The following DLK1 variants were observed in gnomAD, a reference collection of about 807,000 sequenced individuals.
DLK1 encodes the protein delta like non-canonical Notch ligand 1.
A neutral mutation model predicts 35.2 loss-of-function variants in DLK1; 9 were observed. The ratio of observed to expected loss-of-function variants is 0.26; its 90% CI spans 0.15 to 0.45. DLK1 has a LOEUF of 0.45. DLK1 is among the 20% of genes least tolerant of loss of function. DLK1 has a pLI of 1.00. For missense variants in DLK1, 522 were observed against 528.5 expected, an observed-to-expected ratio of 0.99 and a Z score of 0.12; for synonymous variants, 231 against 228.4, an observed-to-expected ratio of 1.01 and a Z score of -0.10.
intron 4 of DLK1, among the ~76,000 whole-genome samples, 188 bp from the exon 5 acceptor site, chr14:100,733,961 C>T (rs1027132591): frequency 8.0e-6 from 1 of 124,530 alleles, no homozygotes; most frequent in Non-Finnish European, 1.5e-5. Flanking sequence ...AGACAGGGGT[C>T]ACGGCCCCGG....
Position 100,734,078 on chromosome 14 carries a change from A to AGCCCCGTGCCCTGC in DLK1, c.405-70_405-57dup. On this transcript the variant is annotated intron_variant, in intron 4 of 4. Transcript: ENST00000341267. The surrounding 1 kb of genome is among the most constrained non-coding windows in gnomAD (Gnocchi z 7.4). ...GTCAGGCCAGGGACCTTCTGCCCTGAGCCCCGTGCCCTGCAGCGCTGTTGT... is the reference window on the plus strand; with the variant it reads ...GTCAGGCCAGGGACCTTCTGCCCTGAGCCCCGTGCCCTGCGCCCCGTGCCCTGCAGCGCTGTTGT... 1 of 1,511,470 alleles carries AGCCCCGTGCCCTGC rather than the reference A, an allele frequency of 6.6e-7. No individual in the cohort carries two copies. The highest frequency in any genetic ancestry group is 1.3e-5 in the South Asian group (1 of 76,208). 93.6% of individuals were successfully genotyped at this position (1,511,470 alleles called of 1,614,324 possible).
chr14:100,730,735 G>A (rs973794877), intron 3 of DLK1, among the ~76,000 whole-genome samples: 7 of 152,196 alleles, frequency 4.6e-5, no homozygotes, highest in African/African-American at 1.7e-4. Flanking sequence ...AGCCTGACGC[G>A]GAGGCGCCAC....
intron 2 of DLK1, 198 bp from the exon 3 acceptor site, chr14:100,728,738 C>T: frequency 1.2e-6 from 1 of 822,396 alleles, no homozygotes; most frequent in Non-Finnish European, 1.9e-6. Flanking sequence ...CGGGGCCCCT[C>T]CAAGTCGGCC....
intron 3 of DLK1, among the ~76,000 whole-genome samples, chr14:100,729,576 G>A (rs2036484517): frequency 6.6e-6 from 1 of 152,160 alleles, no homozygotes; most frequent in Non-Finnish European, 1.5e-5. Context: ...GGACAGGGCT[G>A]GGGGGCCTGG....
Position 100,732,077 on chromosome 14 carries a change from A to C in DLK1, c.298A>C (p.Asn100His), listed in dbSNP as rs527601386. Reference sequence around the variant, plus strand: ...CTGCTCCTCGGCCCCCTGTGCCAACAACAGGACCTGCGTGAGCCTGGACGA... The same window carrying C: ...CTGCTCCTCGGCCCCCTGTGCCAACCACAGGACCTGCGTGAGCCTGGACGA... Reference protein sequence around the residue: ...RACSSAPCANNRTCVSLDDGL... With the variant: ...RACSSAPCANHRTCVSLDDGL... The change falls in exon 4 of 5, where the codon AAC (asparagine) becomes CAC (histidine). Residue 100 changes from asparagine (N) to histidine (H), a missense_variant. By Grantham distance (68) the Asn-to-His change is moderately conservative. Transcript: ENST00000341267. 17 of 1,613,974 alleles carry C rather than the reference A, an allele frequency of 1.1e-5. 1 individual carries two copies. In the African/African-American group the frequency reaches 1.9e-4, roughly 18 times the overall value.
At position 100,735,030 on chromosome 14, in the gene DLK1, T is replaced by C; in HGVS notation, c.*134T>C. 2 of 1,252,568 alleles carry C rather than the reference T, an allele frequency of 1.6e-6. No homozygotes were observed. The highest frequency in any genetic ancestry group is 2.2e-6 in the Non-Finnish European group (2 of 929,640). 77.6% of individuals were successfully genotyped at this position (1,252,568 alleles called of 1,614,324 possible). A position where few individuals can be genotyped will look rare whatever the true frequency, so the allele number is the denominator to read the frequency against. On this transcript the variant is annotated 3_prime_UTR_variant, in exon 5 of 5. Coordinates refer to ENST00000341267, the MANE Select transcript of DLK1 (RefSeq NM_003836.7). ...AACGCTACGCTTACATATATTGTCT[T>C]TGTGCTGCTGTGTGACAAACGCAAT...
chr14:100,735,569 G>A lies in DLK1; in HGVS notation c.*673G>A, dbSNP rs1391743785. 6.6e-6 allele frequency: 1 copy of A among 152,104 alleles called. No individual in the cohort carries two copies. Among genetic ancestry groups the A allele is most frequent in the Non-Finnish European group, 1.5e-5 (1 of 68,046 alleles). The allele number at this position is 152,104 out of a possible 1,614,324, so 9.4% of individuals were successfully genotyped here. On this transcript the variant is annotated 3_prime_UTR_variant, in exon 5 of 5. Transcript: ENST00000341267. ...CACTTTCTCGCCCCTCTCGAGGGAGGGGTTTGAACACCGACCACCATGGTC... is the reference window on the plus strand; with the variant it reads ...CACTTTCTCGCCCCTCTCGAGGGAGAGGTTTGAACACCGACCACCATGGTC...
intron 3 of DLK1, among the ~76,000 whole-genome samples, chr14:100,730,139 C>T (rs1470923173): frequency 6.6e-6 from 1 of 152,186 alleles, no homozygotes; most frequent in Non-Finnish European, 1.5e-5. Flanking sequence ...TGTCTCTGGT[C>T]CTTAATTCCA....
chr14:100,728,622 G>C (rs1266683357), intron 2 of DLK1, 163 bp downstream of exon 2: 70 of 225,958 alleles, frequency 3.1e-4, no homozygotes, highest in African/African-American at 1.8e-3. Flanking sequence ...AGATGGGGGG[G>C]GCGGGGGGGG....
At chr14:100,730,345 C>A (rs1000348890) in intron 3 of DLK1, among the ~76,000 whole-genome samples, 5 of 152,328 alleles carry the variant, frequency 3.3e-5, no homozygotes, top group Admixed American at 2.0e-4. Flanking sequence ...ATGCCGTACA[C>A]CCTTGCTGAA....
intron 3 of DLK1, among the ~76,000 whole-genome samples, chr14:100,729,741 G>A (rs2036486683): frequency 6.6e-6 from 1 of 152,190 alleles, no homozygotes; most frequent in South Asian, 2.1e-4. Flanking sequence ...TGCATTTTCA[G>A]GCTGCGAAAT....
chr14:100,730,895 C>A (rs190599100), intron 3 of DLK1, among the ~76,000 whole-genome samples: 1 of 152,124 alleles, frequency 6.6e-6, no homozygotes, highest in African/African-American at 2.4e-5. Context: ...CTCCCCTCCA[C>A]GAGGGTGTGG....
rs2036560702 is a variant in DLK1 at position 100,735,359 on chromosome 14, T to G, written c.*463T>G. 6.5e-6 allele frequency: 1 copy of G among 153,902 alleles called. No individual in the cohort carries two copies. The highest frequency in any genetic ancestry group is 2.4e-5 in the African/African-American group (1 of 41,476). The allele number at this position is 153,902 out of a possible 1,614,324, so 9.5% of individuals were successfully genotyped here. ...CTCACACACCACATCCGACTCGCAC[T>G]CACATCCAGCTCAACATCGCTACCT... On this transcript the variant is annotated 3_prime_UTR_variant, in exon 5 of 5. Coordinates refer to ENST00000341267, the MANE Select transcript of DLK1 (RefSeq NM_003836.7).
rs2036576338 is a variant in DLK1 at position 100,736,706 on chromosome 14, C to T, written c.*1810C>T. On this transcript the variant is annotated 3_prime_UTR_variant, in exon 5 of 5. Coordinates refer to ENST00000341267, the MANE Select transcript of DLK1 (RefSeq NM_003836.7). ...GCATCATCTGCACTCTGCAGAGCCC[C>T]TCCTACCCGCCTCTGTCCCCACCAG... 1 of 152,456 alleles carries T rather than the reference C, an allele frequency of 6.6e-6. No homozygotes were observed. The highest frequency in any genetic ancestry group is 1.5e-5 in the Non-Finnish European group (1 of 68,410). 9.4% of individuals were successfully genotyped at this position (152,456 alleles called of 1,614,324 possible).
At chr14:100,731,309 G>A (rs1166332551) in intron 3 of DLK1, among the ~76,000 whole-genome samples, 1 of 152,170 alleles carries the variant, frequency 6.6e-6, no homozygotes, top group African/African-American at 2.4e-5. Flanking sequence ...TGAAGTGTGC[G>A]TGATGGAAGG....
Position 100,734,843 on chromosome 14 carries a change from G to A in DLK1, c.1099G>A (p.Glu367Lys). Residue 367 changes from glutamate (E) to lysine (K), a missense_variant, in exon 5 of 5, where the codon GAG (glutamate) becomes AAG (lysine). Coordinates refer to ENST00000341267, the MANE Select transcript of DLK1 (RefSeq NM_003836.7). This position sits in a 1 kb window ranked among gnomAD's most constrained non-coding sequence, Gnocchi z 7.4. ...CCTGGCCGTCAACATCATCTTCCCC[G>A]AGAAGATCGACATGACCACCTTCAG... is the stretch of plus-strand genomic sequence containing the variant. ...EDLAVNIIFP[E>K]KIDMTTFSKE... 3.1e-6 allele frequency: 5 copies of A among 1,610,452 alleles called. No individual in the cohort carries two copies. Among genetic ancestry groups the A allele is most frequent in the Non-Finnish European group, 4.2e-6 (5 of 1,178,610 alleles).
Position 100,734,051 on chromosome 14 carries a change from T to C in DLK1, c.405-98T>C. ...TGATGTGTTTTAAGCACCTGCCCCT[T>C]AGTCAGGCCAGGGACCTTCTGCCCT... On this transcript the variant is annotated intron_variant, in intron 4 of 4. Transcript: ENST00000341267. The surrounding 1 kb of genome is among the most constrained non-coding windows in gnomAD (Gnocchi z 7.4). 1 of 1,441,498 alleles carries C rather than the reference T, an allele frequency of 6.9e-7. No individual in the cohort carries two copies. Among genetic ancestry groups the C allele is most frequent in the Non-Finnish European group, 9.2e-7 (1 of 1,083,956 alleles). 89.3% of individuals were successfully genotyped at this position (1,441,498 alleles called of 1,614,324 possible). A position where few individuals can be genotyped will look rare whatever the true frequency, so the allele number is the denominator to read the frequency against.
chr14:100,732,089 G>A lies in DLK1; in HGVS notation c.310G>A (p.Val104Met), dbSNP rs2273607. The A allele has an allele frequency of 3.7e-3, 5,951 of 1,613,922 alleles. 155 individuals carry two copies. In the East Asian group the frequency reaches 0.072, roughly 20 times the overall value. ...CCCCTGTGCCAACAACAGGACCTGC[G>A]TGAGCCTGGACGATGGCCTCTATGA... ...SAPCANNRTC[V>M]SLDDGLYECS... is the part of the protein sequence containing the mutation. Residue 104 changes from valine to methionine, a missense_variant, in exon 4 of 5, where the codon GTG becomes ATG. Transcript: ENST00000341267.
Position 100,735,638 on chromosome 14 carries a change from AC to A in DLK1, c.*744del, listed in dbSNP as rs1168140985. Reference sequence around the variant, plus strand: ...CTGAATTAGGAACGAGGGGGTATGAACCAAAACACTTCCTGACCCCAACAAT... The same window carrying A: ...CTGAATTAGGAACGAGGGGGTATGAACAAAACACTTCCTGACCCCAACAAT... On this transcript the variant is annotated 3_prime_UTR_variant, in exon 5 of 5. Transcript: ENST00000341267. The A allele has an allele frequency of 6.6e-6, 1 of 152,150 alleles. No individual in the cohort carries two copies. Among genetic ancestry groups the A allele is most frequent in the East Asian group, 1.9e-4 (1 of 5,182 alleles). The allele number at this position is 152,150 out of a possible 1,614,324, so 9.4% of individuals were successfully genotyped here.
Sources: allele counts gnomAD v4.1 joint callset (sites outside exome capture counted in the v4.1 genomes callset), GRCh38; gene constraint gnomAD v4.1.1; non-coding constraint Gnocchi (gnomAD v3.1); transcripts MANE v1.5; gene names NCBI Gene and HGNC (gene_info 2026-07-23, HGNC 2026-07-21).